NALF1: variants seen among roughly 807,000 people sequenced by gnomAD.
The protein encoded by NALF1 is family with sequence similarity 155 member A.
NALF1 carries 3 observed loss-of-function variants against 48.4 expected under a neutral mutation model. The observed-to-expected ratio is 0.06, with a 90% confidence interval of 0.03 to 0.16. The LOEUF (loss-of-function observed/expected upper bound fraction) is 0.16, where lower values mean the gene tolerates loss of function less well. NALF1 is among the 10% of genes least tolerant of loss of function. The pLI is 1.00. For missense variants in NALF1, 526 were observed against 571.5 expected (o/e 0.92, Z 0.81); for synonymous variants, 262 against 245.7 (o/e 1.07, Z -0.62).
chr13:107,607,242 T>C (rs1045080201), intron 1 of NALF1, among the ~76,000 whole-genome samples: 1 of 152,098 alleles, frequency 6.6e-6, no homozygotes, highest in African/African-American at 2.4e-5. Context: ...ATAAGAGTAC[T>C]GCATAGTAAA....
intron 1 of NALF1, among the ~76,000 whole-genome samples, chr13:107,283,358 G>A (rs928633923): frequency 1.3e-5 from 2 of 151,944 alleles, no homozygotes; most frequent in African/African-American, 2.4e-5. Context: ...TCTCCTCAGA[G>A]ACATCAAAAA....
intron 2 of NALF1, among the ~76,000 whole-genome samples, chr13:107,197,500 A>G (rs1249461544): frequency 1.3e-5 from 2 of 152,172 alleles, no homozygotes; most frequent in Non-Finnish European, 2.9e-5. Flanking sequence ...GCTAAATTTA[A>G]TTGTTGAGCT....
intron 1 of NALF1, among the ~76,000 whole-genome samples, chr13:107,461,577 C>T (rs2139043530): frequency 6.6e-6 from 1 of 152,272 alleles, no homozygotes; most frequent in East Asian, 1.9e-4. Flanking sequence ...ATATTCTTTT[C>T]TGACATGCAT....
intron 1 of NALF1, among the ~76,000 whole-genome samples, chr13:107,262,769 G>T (rs376916040): frequency 1.2e-4 from 18 of 144,032 alleles, no homozygotes; most frequent in East Asian, 4.2e-4. Flanking sequence ...ACCCACAGGC[G>T]CTCTCTCTCT....
intron 1 of NALF1, among the ~76,000 whole-genome samples, chr13:107,404,233 C>T (rs1039342687): frequency 3.9e-5 from 6 of 151,984 alleles, no homozygotes; most frequent in South Asian, 2.1e-4. Context: ...ATCATTTCAT[C>T]GTTGTGTCAT....
intron 1 of NALF1, among the ~76,000 whole-genome samples, chr13:107,216,258 C>T (rs1343660803): frequency 3.9e-5 from 6 of 152,210 alleles, no homozygotes; most frequent in Non-Finnish European, 7.3e-5. Flanking sequence ...TGCACTTTGA[C>T]GCATAACGCA....
intron 1 of NALF1, among the ~76,000 whole-genome samples, chr13:107,341,823 T>C (rs1461108936): frequency 6.6e-6 from 1 of 151,538 alleles, no homozygotes; most frequent in Admixed American, 6.6e-5. Context: ...CCCAGGGTAG[T>C]AGTATTTCAT....
At chr13:107,673,118 G>T (rs551781121) in intron 1 of NALF1, among the ~76,000 whole-genome samples, 8 of 152,008 alleles carry the variant, frequency 5.3e-5, no homozygotes, top group Non-Finnish European at 1.0e-4. Flanking sequence ...GTATGGGTGC[G>T]GCTGCATGTT....
At chr13:107,443,898 A>C (rs1884606681) in intron 1 of NALF1, among the ~76,000 whole-genome samples, 1 of 152,196 alleles carries the variant, frequency 6.6e-6, no homozygotes, top group Non-Finnish European at 1.5e-5. Flanking sequence ...TAATATATTT[A>C]AATTTGCAGC....
intron 1 of NALF1, among the ~76,000 whole-genome samples, chr13:107,402,168 A>C (rs1441907426): frequency 6.6e-6 from 1 of 152,208 alleles, no homozygotes; most frequent in African/African-American, 2.4e-5. Flanking sequence ...TAGTGACTTC[A>C]GTCTTGCCAG....
chr13:107,652,444 C>T (rs184014944), intron 1 of NALF1, among the ~76,000 whole-genome samples: 55 of 152,242 alleles, frequency 3.6e-4, no homozygotes, highest in Admixed American at 7.8e-4. Context: ...AACATATACA[C>T]AATACATAGC....
intron 1 of NALF1, among the ~76,000 whole-genome samples, chr13:107,478,752 G>A (rs887618079): frequency 6.6e-6 from 1 of 151,894 alleles, no homozygotes; most frequent in Non-Finnish European, 1.5e-5. Flanking sequence ...GCATAACTAG[G>A]AAAATTAAAG....
intron 1 of NALF1, among the ~76,000 whole-genome samples, chr13:107,681,814 C>T (rs188287113): frequency 6.6e-5 from 10 of 152,260 alleles, no homozygotes; most frequent in Admixed American, 3.9e-4. Context: ...TTCCAGAAGC[C>T]TCAACTATTT....
rs553089128 is a variant in NALF1, at chr13:107,478,142, C to A, written c.916-267387G>T. On this transcript the variant is annotated intron_variant, in intron 1 of 2. Coordinates refer to ENST00000375915, the MANE Select transcript of NALF1 (RefSeq NM_001080396.3). ...CTTATTGCAGTAACCTTAAATGAAG[C>A]CATTCTTGCTGTATAACTTTTCTGG... is the stretch of plus-strand genomic sequence containing the variant. Among the ~76,000 whole-genome samples, 28 of 152,204 alleles carry A rather than the reference C, an allele frequency of 1.8e-4. No homozygotes were observed. The South Asian group carries it at 5.6e-3, about 30-fold the overall frequency.
At chr13:107,622,489 GAGAAA>G (rs1270823230) in intron 1 of NALF1, among the ~76,000 whole-genome samples, 1 of 150,698 alleles carries the variant, frequency 6.6e-6, no homozygotes, top group Non-Finnish European at 1.5e-5. Flanking sequence ...AAAAAACAGA[GAGAAA>G]AGAAAAGAAA....
chr13:107,273,472 C>A (rs1437305706), intron 1 of NALF1, among the ~76,000 whole-genome samples: 1 of 152,196 alleles, frequency 6.6e-6, no homozygotes, highest in Non-Finnish European at 1.5e-5. Flanking sequence ...AAAATATCTT[C>A]CATCTATGTT....
chr13:107,267,664 G>A (rs1881069761), intron 1 of NALF1, among the ~76,000 whole-genome samples: 2 of 152,134 alleles, frequency 1.3e-5, no homozygotes, highest in Admixed American at 6.5e-5. Context: ...ACATACCTAC[G>A]AAGAAGTTTA....
intron 1 of NALF1, among the ~76,000 whole-genome samples, chr13:107,666,966 G>A (rs1880874921): frequency 1.3e-5 from 2 of 152,054 alleles, no homozygotes; most frequent in East Asian, 3.9e-4. Context: ...TTCTTTTAGT[G>A]AAAAACAATT....
intron 2 of NALF1, among the ~76,000 whole-genome samples, chr13:107,178,427 C>A (rs1333629699): frequency 2.0e-5 from 3 of 152,148 alleles, no homozygotes; most frequent in Admixed American, 6.5e-5. Context: ...AGGAGACATA[C>A]AAATGGCAAA....
Sources: gnomAD v4.1 joint callset for allele counts (sites outside exome capture counted in the v4.1 genomes callset) on GRCh38, gnomAD v4.1.1 for gene constraint, MANE v1.5 for transcripts, NCBI Gene and HGNC (gene_info 2026-07-23, HGNC 2026-07-21) for gene names.